The following CD36 variants were observed in gnomAD, a reference collection of about 807,000 sequenced individuals.
CD36 encodes CD36 molecule (CD36 blood group).
A neutral mutation model predicts 55.2 loss-of-function variants in CD36; 119 were observed. The observed-to-expected ratio is 2.15, with a 90% CI of 1.86 to 2.51. The LOEUF (loss-of-function observed/expected upper bound fraction) is 2.51. Among genes scored for constraint, CD36 ranks in the 30% most tolerant of loss-of-function variants. The pLI, the probability that CD36 is intolerant of heterozygous loss-of-function variation, is 0.00. For missense variants in CD36, 819 were observed against 555.5 expected, an observed-to-expected ratio of 1.47 and a Z score of -4.77; for synonymous variants, 186 against 193.6, an observed-to-expected ratio of 0.96 and a Z score of 0.33.
Position 80,604,390 on chromosome 7 carries a change from T to TTAGC in CD36, c.-184+2011_-184+2012insTAGC, listed in dbSNP as rs144014175. Among the ~76,000 whole-genome samples the TTAGC allele has an allele frequency of 2.2e-4, 24 of 109,632 alleles. 1 individual carries two copies. In the East Asian group the frequency reaches 5.1e-3, roughly 23 times the overall value. The allele number at this position is 109,632 out of a possible 152,430, so 71.9% of individuals were successfully genotyped here. On this transcript the variant is annotated intron_variant, in intron 1 of 13. Coordinates refer to the CD36 transcript ENST00000309881. ...TTTTTTTTTTTTTTTTTTTTTTTTTTAGCAAAGTATGCCATTGGTTCCACA... is the reference window on the plus strand; with the variant it reads ...TTTTTTTTTTTTTTTTTTTTTTTTTTTAGCAGCAAAGTATGCCATTGGTTCCACA...
intron 1 of CD36, among the ~76,000 whole-genome samples, chr7:80,615,378 T>C (rs1722501): frequency 0.94 from 142,866 of 152,226 alleles, 67,366 homozygotes; most frequent in East Asian, 1. Flanking sequence ...GGTATCCACC[T>C]GTTTTCCTCA....
At chr7:80,632,289 G>A (rs574089732) in intron 1 of CD36, among the ~76,000 whole-genome samples, 1 of 151,036 alleles carries the variant, frequency 6.6e-6, no homozygotes, top group Non-Finnish European at 1.5e-5. Context: ...AACAAGAATG[G>A]TATCACAGAT....
intron 1 of CD36, among the ~76,000 whole-genome samples, chr7:80,641,727 C>T (rs1311059112): frequency 6.6e-6 from 1 of 151,960 alleles, no homozygotes; most frequent in Non-Finnish European, 1.5e-5. Context: ...GGTGGAGTTT[C>T]CAAGGGAACA....
intron 3 of CD36, among the ~76,000 whole-genome samples, chr7:80,653,291 T>A (rs1795767158): frequency 6.6e-6 from 1 of 152,228 alleles, no homozygotes; most frequent in African/African-American, 2.4e-5. Context: ...ACATTTGTAC[T>A]CTACTCCATG....
chr7:80,669,270 C>T (rs901747070), intron 8 of CD36, among the ~76,000 whole-genome samples: 7 of 151,992 alleles, frequency 4.6e-5, no homozygotes, highest in East Asian at 3.9e-4. Flanking sequence ...CAATAGCAGC[C>T]GCCAGCCATA....
chr7:80,631,692 AC>A (rs1794081307), intron 1 of CD36, among the ~76,000 whole-genome samples: 1 of 151,868 alleles, frequency 6.6e-6, no homozygotes, highest in Non-Finnish European at 1.5e-5. Context: ...GTAGTCTGCC[AC>A]TTTTCATTAT....
At position 80,671,119 on chromosome 7, in the gene CD36, A is replaced by C. The variant is rs149492740; in HGVS notation, c.961A>C (p.Asn321His). ...CFCTEKIISK[N>H]CTSYGVLDIS... ...CTGCACAGAAAAAATTATCTCAAAAAATTGTACATCATATGGTGTGCTAGA... is the reference window on the plus strand; with the variant it reads ...CTGCACAGAAAAAATTATCTCAAAACATTGTACATCATATGGTGTGCTAGA... Residue 321 changes from asparagine to histidine, a missense_variant, in exon 10 of 15, where the codon AAT becomes CAT. Physicochemically the swap from Asn to His is moderately conservative, Grantham distance 68. Coordinates refer to ENST00000447544, the MANE Select transcript of CD36 (RefSeq NM_001001548.3). 6.2e-7 allele frequency: 1 copy of C among 1,613,320 alleles called. No individual in the cohort carries two copies. Among genetic ancestry groups the C allele is most frequent in the African/African-American group, 1.3e-5 (1 of 74,902 alleles).
intron 1 of CD36, among the ~76,000 whole-genome samples, chr7:80,641,510 G>C (rs909760047): frequency 6.6e-6 from 1 of 152,014 alleles, no homozygotes; most frequent in Non-Finnish European, 1.5e-5. Context: ...GAAAACAAGA[G>C]TGTGGTCTGG....
intron 1 of CD36, among the ~76,000 whole-genome samples, chr7:80,602,668 C>G (rs1298187023): frequency 2.0e-5 from 3 of 152,030 alleles, no homozygotes; most frequent in African/African-American, 7.2e-5. Flanking sequence ...TAGAAAACGT[C>G]AGAAAACCCA....
intron 1 of CD36, among the ~76,000 whole-genome samples, chr7:80,606,115 T>G (rs1051013540): frequency 6.6e-6 from 1 of 152,168 alleles, no homozygotes; most frequent in African/African-American, 2.4e-5. Flanking sequence ...ATTTCCTAAA[T>G]CAAAATATTC....
intron 1 of CD36, among the ~76,000 whole-genome samples, chr7:80,643,405 A>G (rs538663304): frequency 6.6e-6 from 1 of 152,328 alleles, no homozygotes; most frequent in African/African-American, 2.4e-5. Flanking sequence ...GGAACATAAA[A>G]TAACTTTTCC....
intron 5 of CD36, among the ~76,000 whole-genome samples, 162 bp from the exon 6 acceptor site, chr7:80,662,828 G>A (rs970960389): frequency 2.6e-5 from 4 of 152,120 alleles, no homozygotes; most frequent in South Asian, 4.1e-4. Flanking sequence ...AATCATCTAG[G>A]AATTAGACGA....
chr7:80,670,977 G>A lies in CD36; in HGVS notation c.819G>A (p.Arg273=). 3.7e-6 allele frequency: 6 copies of A among 1,609,562 alleles called. No individual in the cohort carries two copies. The highest frequency in any genetic ancestry group is 5.1e-6 in the Non-Finnish European group (6 of 1,176,106). ...GCAGCTCTTTTTTCTCTGTATTTAG[G>A]TCAATCTATGCTGTATTTGAATCCG... ...VLQFFSSDIC[R]SIYAVFESDV... is the part of the protein sequence containing the mutation. Residue 273 remains arginine (R), a splice_region_variant and synonymous_variant, in exon 10 of 15, where the codon AGG becomes AGA. Transcript: ENST00000447544.
At chr7:80,639,257 C>T (rs1794651869) in intron 1 of CD36, among the ~76,000 whole-genome samples, 1 of 151,928 alleles carries the variant, frequency 6.6e-6, no homozygotes, top group Non-Finnish European at 1.5e-5. Flanking sequence ...ACCTGACTTG[C>T]TCTACATGAT....
chr7:80,657,015 T>C lies in CD36; in HGVS notation c.281+315T>C, dbSNP rs141034135. The stretch of plus-strand genomic sequence containing the variant: ...TCCCTATGTTTATGAAGTTAGTGTT[T>C]TGTTATTGTGGCATATATTCTCAAC... On this transcript the variant is annotated intron_variant, in intron 4 of 14. Transcript: ENST00000447544. Among the ~76,000 whole-genome samples the C allele has an allele frequency of 1.2e-4, 18 of 152,294 alleles. No homozygotes were observed. The East Asian group carries it at 3.3e-3, about 28-fold the overall frequency.
chr7:80,658,580 C>T (rs1796274038), intron 4 of CD36, among the ~76,000 whole-genome samples: 1 of 152,172 alleles, frequency 6.6e-6, no homozygotes, highest in South Asian at 2.1e-4. Flanking sequence ...GCATCCTCAA[C>T]CTCCTAGGCT....
At chr7:80,667,758 T>G (rs1407883497) in intron 8 of CD36, among the ~76,000 whole-genome samples, 1 of 141,786 alleles carries the variant, frequency 7.1e-6, no homozygotes, top group Non-Finnish European at 1.6e-5. Context: ...TTTTTTTTTT[T>G]TTTTTTTTTT....
chr7:80,674,131 C>A lies in CD36; in HGVS notation c.1403C>A (p.Ser468Ter), dbSNP rs766072001. Residue 468 changes from serine (S) to a stop codon, truncating the protein, a stop_gained, in exon 14 of 15, where the codon TCG (serine) becomes TAG (stop). Coordinates refer to ENST00000447544, the MANE Select transcript of CD36 (RefSeq NM_001001548.3). LOFTEE classifies it high-confidence loss of function. ...AFMISYCACRSKTIK is the reference protein window; with the variant it reads ...AFMISYCACR ...ATGATTTCATATTGTGCATGCAGAT[C>A]GAAAACAATAAAATAAGTAAGTATG... 9.9e-6 allele frequency: 16 copies of A among 1,610,222 alleles called. No homozygotes were observed. Among genetic ancestry groups the A allele is most frequent in the African/African-American group, 1.3e-5 (1 of 74,668 alleles).
chr7:80,673,852 A>G, intron 13 of CD36, 131 bp from the exon 14 acceptor site: 4 of 730,134 alleles, frequency 5.5e-6, no homozygotes, highest in Non-Finnish European at 9.6e-6. Flanking sequence ...AAGGAATTCC[A>G]TTAACTTGCC....
Sources: allele counts gnomAD v4.1 joint callset (sites outside exome capture counted in the v4.1 genomes callset), GRCh38; gene constraint gnomAD v4.1.1; transcripts MANE v1.5; gene names NCBI Gene and HGNC (gene_info 2026-07-23, HGNC 2026-07-21).